GPR160: variants seen among roughly 807,000 people sequenced by gnomAD.
GPR160 encodes the protein probable G protein-coupled receptor 160.
A neutral mutation model predicts 2.6 loss-of-function variants in GPR160; 2 were observed. The observed-to-expected ratio is 0.77, with a 90% CI of 0.32 to 2.44. The LOEUF (loss-of-function observed/expected upper bound fraction) is 2.44, where lower values mean the gene tolerates loss of function less well. Ranked by LOEUF, GPR160 falls within the 30% of genes most tolerant of loss-of-function variation. GPR160 has a pLI of 0.11. For missense variants in GPR160, 351 were observed against 383.6 expected (o/e 0.91, Z 0.71); for synonymous variants, 130 against 132.2 (o/e 0.98, Z 0.12).
intron 2 of GPR160, among the ~76,000 whole-genome samples, chr3:170,059,728 G>A (rs1711834754): frequency 6.6e-6 from 1 of 151,976 alleles, no homozygotes; most frequent in Admixed American, 6.6e-5. Flanking sequence ...GGATGGGGAG[G>A]TTTGTTACAC....
At chr3:170,058,984 A>C (rs1405590522) in intron 2 of GPR160, among the ~76,000 whole-genome samples, 2 of 151,936 alleles carry the variant, frequency 1.3e-5, no homozygotes, top group African/African-American at 4.8e-5. Flanking sequence ...CCTTGTATTT[A>C]AGATGGAAAG....
intron 2 of GPR160, among the ~76,000 whole-genome samples, chr3:170,052,623 G>A (rs138953011): frequency 3.3e-4 from 50 of 152,238 alleles, no homozygotes; most frequent in African/African-American, 1.2e-3. Context: ...TATGTGGTCT[G>A]GTAGTCTGGG....
At chr3:170,065,637 T>G (rs1712288147) in intron 2 of GPR160, among the ~76,000 whole-genome samples, 1 of 152,244 alleles carries the variant, frequency 6.6e-6, no homozygotes, top group Non-Finnish European at 1.5e-5. Flanking sequence ...TACCTACACT[T>G]AATTGACCAT....
chr3:170,061,394 C>A (rs1202654022), intron 2 of GPR160, among the ~76,000 whole-genome samples: 1 of 149,180 alleles, frequency 6.7e-6, no homozygotes, highest in African/African-American at 2.6e-5. Flanking sequence ...AAAAAAAACT[C>A]TAACAACATT....
rs775716675 is a variant in GPR160 at position 170,085,003 on chromosome 3, A to AAGTT, written c.*16_*19dup. The AAGTT allele has an allele frequency of 1.1e-5, 14 of 1,263,648 alleles. No homozygotes were observed. Among genetic ancestry groups the AAGTT allele is most frequent in the African/African-American group, 1.5e-5 (1 of 65,830 alleles). 78.3% of individuals were successfully genotyped at this position (1,263,648 alleles called of 1,614,324 possible). ...ATGATTTGTTAATATTATTAATTAA[A>AAGTT]AGTTACAGCTGTCATAAGATCATAA... On this transcript the variant is annotated 3_prime_UTR_variant, in exon 4 of 4. Coordinates refer to ENST00000355897, the MANE Select transcript of GPR160 (RefSeq NM_014373.3).
At chr3:170,070,308 G>A (rs1352661338) in intron 2 of GPR160, among the ~76,000 whole-genome samples, 1 of 152,066 alleles carries the variant, frequency 6.6e-6, no homozygotes, top group Non-Finnish European at 1.5e-5. Flanking sequence ...GCATCCTGTG[G>A]GGTCATTAAA....
At chr3:170,055,052 C>G (rs1488203364) in intron 2 of GPR160, among the ~76,000 whole-genome samples, 1 of 152,182 alleles carries the variant, frequency 6.6e-6, no homozygotes, top group African/African-American at 2.4e-5. Context: ...CCTTGGCCTC[C>G]CAAAGTATTG....
At position 170,084,993 on chromosome 3, in the gene GPR160, TATTA is replaced by T. The variant is rs781101052; in HGVS notation, c.*10_*13del. 1.1e-4 allele frequency: 150 copies of T among 1,360,308 alleles called. No individual in the cohort carries two copies. Among genetic ancestry groups the T allele is most frequent in the East Asian group, 1.1e-3 (45 of 42,112 alleles). 84.3% of individuals were successfully genotyped at this position (1,360,308 alleles called of 1,614,324 possible). On this transcript the variant is annotated 3_prime_UTR_variant, in exon 4 of 4. Transcript: ENST00000355897. ...TATATCAATAATGATTTGTTAATAT[TATTA>T]ATTAAAAGTTACAGCTGTCATAAGA...
intron 2 of GPR160, among the ~76,000 whole-genome samples, chr3:170,042,450 C>T: frequency 6.8e-6 from 1 of 146,746 alleles, no homozygotes; most frequent in East Asian, 2.1e-4. Context: ...AGAAAGAAAT[C>T]TAAAGAAGAT....
chr3:170,066,897 C>T (rs1712372626), intron 2 of GPR160, among the ~76,000 whole-genome samples: 1 of 152,306 alleles, frequency 6.6e-6, no homozygotes, highest in Non-Finnish European at 1.5e-5. Context: ...GGTTAAGATA[C>T]CTATTTATTC....
chr3:170,042,683 AAAT>A (rs1056320115), intron 2 of GPR160, among the ~76,000 whole-genome samples: 7 of 148,292 alleles, frequency 4.7e-5, no homozygotes, highest in Non-Finnish European at 8.9e-5. Context: ...AAAAATAAAT[AAAT>A]AATAATAATA....
chr3:170,082,145 C>T (rs1302931130), intron 3 of GPR160, among the ~76,000 whole-genome samples: 1 of 152,142 alleles, frequency 6.6e-6, no homozygotes, highest in Non-Finnish European at 1.5e-5. Flanking sequence ...TATACTACTA[C>T]TGTATTGGTA....
chr3:170,084,375 C>T lies in GPR160; in HGVS notation c.403C>T (p.Gln135Ter), dbSNP rs775069816. The change falls in exon 4 of 4, where the codon CAA (glutamine) becomes TAA (stop). Residue 135 changes from glutamine to a stop codon, truncating the protein, a stop_gained. Coordinates refer to ENST00000355897, the MANE Select transcript of GPR160 (RefSeq NM_014373.3). LOFTEE classifies it low-confidence loss of function (END_TRUNC). ...AACAACCAAGCTTTCATTTAAGTGT[C>T]AAAAATTATTTTATTTCTTTACAGT... ...SKTTKLSFKC[Q>*]KLFYFFTVIL... is the part of the protein sequence containing the mutation. 1 of 1,607,562 alleles carries T rather than the reference C, an allele frequency of 6.2e-7. No individual in the cohort carries two copies. The highest frequency in any genetic ancestry group is 8.5e-7 in the Non-Finnish European group (1 of 1,175,012).
chr3:170,074,284 A>T (rs896347712), intron 2 of GPR160, among the ~76,000 whole-genome samples: 1 of 152,130 alleles, frequency 6.6e-6, no homozygotes, highest in Non-Finnish European at 1.5e-5. Context: ...ATCGAAATAA[A>T]GTTGTTCAAA....
chr3:170,082,977 T>G (rs886902388), intron 3 of GPR160, among the ~76,000 whole-genome samples: 7 of 148,094 alleles, frequency 4.7e-5, no homozygotes, highest in African/African-American at 7.9e-5. Flanking sequence ...TTTGGGGTTT[T>G]TTTTTTTTTT....
Position 170,048,071 on chromosome 3 carries a change from C to T in GPR160, c.-193+9028C>T, listed in dbSNP as rs79425086. Among the ~76,000 whole-genome samples, 77 of 152,302 alleles carry T rather than the reference C, an allele frequency of 5.1e-4. No homozygotes were observed. In the East Asian group the frequency reaches 0.013, roughly 26 times the overall value. On this transcript the variant is annotated intron_variant, in intron 2 of 3. Coordinates refer to ENST00000355897, the MANE Select transcript of GPR160 (RefSeq NM_014373.3). ...CTCGAACTCCTGACCTCAGGTGATC[C>T]ACCCGCCTTGGCCTCCCAAAGTGCT...
chr3:170,062,326 A>T (rs1712005214), intron 2 of GPR160: 1 of 244,346 alleles, frequency 4.1e-6, no homozygotes, highest in African/African-American at 2.3e-5. Context: ...ATAGTGGAGC[A>T]GAGGGGTCCA....
chr3:170,051,693 C>G (rs1048233870), intron 2 of GPR160, among the ~76,000 whole-genome samples: 1 of 151,896 alleles, frequency 6.6e-6, no homozygotes. Context: ...CCACTGCACT[C>G]CAGCTTGGGA....
In GPR160 at chr3:170,054,817, G is replaced by T. The variant is rs142715798; in HGVS notation, c.-193+15774G>T. Among the ~76,000 whole-genome samples the T allele has an allele frequency of 5.0e-3, 741 of 147,404 alleles. 5 individuals carry two copies. The highest frequency in any genetic ancestry group is 0.018 in the African/African-American group (705 of 39,782). ...CTTTTCTTTTTTTTTTTTTTGAGAC[G>T]AAGTCTTGCTCTGTCACCCGGGGTG... On this transcript the variant is annotated intron_variant, in intron 2 of 3. Transcript: ENST00000355897.
Sources: gnomAD v4.1 joint callset for allele counts (sites outside exome capture counted in the v4.1 genomes callset) on GRCh38, gnomAD v4.1.1 for gene constraint, MANE v1.5 for transcripts, NCBI Gene and HGNC (gene_info 2026-07-23, HGNC 2026-07-21) for gene names.